LMBRD2: variants seen among roughly 807,000 people sequenced by gnomAD.
LMBRD2 encodes LMBR1 domain containing 2, also known as G protein-coupled receptor-associated protein LMBRD2.
In LMBRD2, 55 loss-of-function variants were observed where a neutral mutation model predicts 94.4. That is an observed-to-expected ratio of 0.58 (90% confidence interval 0.47 to 0.73). The LOEUF is 0.73. LMBRD2 is among the 30% of genes least tolerant of loss of function. The probability of loss-of-function intolerance (pLI) is 0.00; values close to 1 mark genes in which losing one functional copy is unlikely to be tolerated. For synonymous variants in LMBRD2, 246 were observed against 272.4 expected (o/e 0.90, Z 0.95); for missense variants, 640 against 831.9 (o/e 0.77, Z 2.84).
At chr5:36,106,248 C>T (rs779572783) in intron 16 of LMBRD2, among the ~76,000 whole-genome samples, 2 of 152,108 alleles carry the variant, frequency 1.3e-5, no homozygotes, top group African/African-American at 2.4e-5. Context: ...AAGCCTTTAG[C>T]CCTTTCCTAT....
intron 17 of LMBRD2, among the ~76,000 whole-genome samples, chr5:36,104,308 C>G (rs895150994): frequency 5.3e-5 from 8 of 151,864 alleles, no homozygotes; most frequent in South Asian, 2.1e-4. Context: ...GGTTTTAGAC[C>G]CTAGAATATA....
At chr5:36,105,315 TAAGAAAAG>T in intron 16 of LMBRD2, 118 bp from the exon 17 acceptor site, 4 of 835,156 alleles carry the variant, frequency 4.8e-6, no homozygotes, top group Non-Finnish European at 7.5e-6. Context: ...ACAAAGAACA[TAAGAAAAG>T]ATAACTACAT....
intron 8 of LMBRD2, 145 bp downstream of exon 8, chr5:36,122,703 G>T (rs1273423523): frequency 7.1e-6 from 8 of 1,127,198 alleles, no homozygotes; most frequent in Non-Finnish European, 9.7e-6. Context: ...TATACACAGA[G>T]ATAAAATATT....
chr5:36,149,964 T>A (rs899525881), intron 1 of LMBRD2, among the ~76,000 whole-genome samples: 4 of 152,188 alleles, frequency 2.6e-5, no homozygotes, highest in African/African-American at 9.7e-5. Flanking sequence ...GCAATCACAA[T>A]GCAGTTCTTT....
intron 6 of LMBRD2, among the ~76,000 whole-genome samples, chr5:36,128,000 G>A (rs1248711600): frequency 1.3e-5 from 2 of 152,168 alleles, no homozygotes; most frequent in Non-Finnish European, 2.9e-5. Context: ...CCCAGTGATG[G>A]TGACCACAGG....
chr5:36,135,438 G>T (rs113335217), intron 6 of LMBRD2, among the ~76,000 whole-genome samples: 1 of 152,140 alleles, frequency 6.6e-6, no homozygotes, highest in Non-Finnish European at 1.5e-5. Flanking sequence ...CTATAGAATT[G>T]TTTATTATTT....
At chr5:36,144,177 C>T (rs1744483585) in intron 1 of LMBRD2, among the ~76,000 whole-genome samples, 1 of 152,004 alleles carries the variant, frequency 6.6e-6, no homozygotes, top group African/African-American at 2.4e-5. Flanking sequence ...TATCTCTCTA[C>T]TCAAAAAAGT....
intron 11 of LMBRD2, among the ~76,000 whole-genome samples, chr5:36,115,652 G>C (rs371801552): frequency 2.6e-5 from 4 of 152,072 alleles, no homozygotes; most frequent in Admixed American, 6.6e-5. Context: ...AATAATATGA[G>C]ATAATTCTTT....
intron 10 of LMBRD2, among the ~76,000 whole-genome samples, chr5:36,117,126 T>C (rs1743766375): frequency 6.6e-6 from 1 of 152,100 alleles, no homozygotes; most frequent in Non-Finnish European, 1.5e-5. Context: ...TACCTTCTAA[T>C]GTGAGCCTGT....
chr5:36,136,543 A>G, intron 5 of LMBRD2, 24 bp from the exon 6 acceptor site: 2 of 1,585,390 alleles, frequency 1.3e-6, no homozygotes, highest in Non-Finnish European at 1.7e-6. Flanking sequence ...ACAACAGATA[A>G]TATGTATATT....
rs1334121682 is a variant in LMBRD2, at chr5:36,099,047, C to A, written c.*4999G>T. 1 of 151,956 alleles carries A rather than the reference C, an allele frequency of 6.6e-6. No individual in the cohort carries two copies. Among genetic ancestry groups the A allele is most frequent in the Non-Finnish European group, 1.5e-5 (1 of 67,940 alleles). The allele number at this position is 151,956 out of a possible 1,614,324, so 9.4% of individuals were successfully genotyped here. Reference sequence around the variant, plus strand: ...CAAAATAACAAGTATTTTATTAATGCAATGCAGAAATTAGGTTTTTGGTAT... The same window carrying A: ...CAAAATAACAAGTATTTTATTAATGAAATGCAGAAATTAGGTTTTTGGTAT... On this transcript the variant is annotated 3_prime_UTR_variant, in exon 18 of 18. Transcript: ENST00000296603.
intron 14 of LMBRD2, 48 bp from the exon 15 acceptor site, chr5:36,110,039 A>T: frequency 1.4e-6 from 2 of 1,387,666 alleles, no homozygotes; most frequent in Non-Finnish European, 2.0e-6. Flanking sequence ...TGGTTTAATC[A>T]GACATAGTGC....
chr5:36,149,565 C>G (rs1322262652), intron 1 of LMBRD2, among the ~76,000 whole-genome samples: 2 of 152,198 alleles, frequency 1.3e-5, no homozygotes, highest in African/African-American at 4.8e-5. Flanking sequence ...ATCATCTAGA[C>G]AGCAGGATGG....
rs376029374 is a variant in LMBRD2 at position 36,141,078 on chromosome 5, T to A, written c.368+29A>T. On this transcript the variant is annotated intron_variant, in intron 4 of 17. Coordinates refer to ENST00000296603, the MANE Select transcript of LMBRD2 (RefSeq NM_001007527.2). ...CATTTTATTCCTTTAGCCAAAATTT[T>A]AAAAATTTTATCATTTACTGTAACT... 335 of 1,333,798 alleles carry A rather than the reference T, an allele frequency of 2.5e-4. 1 individual carries two copies. In the African/African-American group the frequency reaches 4.1e-3, roughly 16 times the overall value. The allele number at this position is 1,333,798 out of a possible 1,614,324, so 82.6% of individuals were successfully genotyped here.
Position 36,117,934 on chromosome 5 carries a change from A to G in LMBRD2, c.1121-18T>C. ...GTACCATTCTAGAAGACAAAAGAAA[A>G]AAATGATTAGGAAAACTACAAAAGA... On this transcript the variant is annotated intron_variant, in intron 9 of 17. Coordinates refer to ENST00000296603, the MANE Select transcript of LMBRD2 (RefSeq NM_001007527.2). 6.4e-7 allele frequency: 1 copy of G among 1,566,908 alleles called. No individual in the cohort carries two copies. Among genetic ancestry groups the G allele is most frequent in the Non-Finnish European group, 8.6e-7 (1 of 1,156,878 alleles).
chr5:36,134,544 C>G (rs1390185884), intron 6 of LMBRD2, among the ~76,000 whole-genome samples: 1 of 151,978 alleles, frequency 6.6e-6, no homozygotes, highest in Non-Finnish European at 1.5e-5. Flanking sequence ...TGACTGGTGT[C>G]CTTACAAAAC....
At chr5:36,112,903 C>T (rs1417414497) in intron 13 of LMBRD2, among the ~76,000 whole-genome samples, 1 of 152,146 alleles carries the variant, frequency 6.6e-6, no homozygotes, top group Non-Finnish European at 1.5e-5. Context: ...TTTAGGCACA[C>T]AAAGTATGAC....
At chr5:36,135,873 C>T (rs1744259364) in intron 6 of LMBRD2, among the ~76,000 whole-genome samples, 1 of 152,160 alleles carries the variant, frequency 6.6e-6, no homozygotes, top group Non-Finnish European at 1.5e-5. Flanking sequence ...ATACAAACTC[C>T]CATGCAAATT....
At chr5:36,146,185 G>A (rs182957219) in intron 1 of LMBRD2, among the ~76,000 whole-genome samples, 32 of 152,288 alleles carry the variant, frequency 2.1e-4, no homozygotes, top group African/African-American at 7.2e-4. Flanking sequence ...TCTTACCACT[G>A]CTGTAACAAA....
Sources: allele counts gnomAD v4.1 joint callset (sites outside exome capture counted in the v4.1 genomes callset), GRCh38; gene constraint gnomAD v4.1.1; transcripts MANE v1.5; gene names NCBI Gene and HGNC (gene_info 2026-07-23, HGNC 2026-07-21).